Variants in CDH13 observed in about 807,000 individuals in gnomAD.
CDH13 encodes cadherin-13.
In CDH13, 24 loss-of-function variants were observed where a neutral mutation model predicts 63.8. The observed-to-expected ratio is 0.38, with a 90% CI of 0.27 to 0.53. CDH13 has a LOEUF of 0.53. Ranked by LOEUF, CDH13 falls within the 20% of genes least tolerant of loss-of-function variation. The pLI is 0.85. For synonymous variants in CDH13, 503 were observed against 355.3 expected (o/e 1.42, Z -4.67); for missense variants, 1,049 against 903.1 (o/e 1.16, Z -2.07).
intron 10 of CDH13, among the ~76,000 whole-genome samples, chr16:83,726,801 G>A (rs1408842541): frequency 2.0e-5 from 3 of 149,980 alleles, no homozygotes; most frequent in Non-Finnish European, 4.4e-5. Flanking sequence ...TGGCGCCACT[G>A]CGCTCCAGCC....
At chr16:83,469,067 A>G (rs1012491632) in intron 6 of CDH13, among the ~76,000 whole-genome samples, 1 of 152,172 alleles carries the variant, frequency 6.6e-6, no homozygotes, top group Non-Finnish European at 1.5e-5. Context: ...AGACTTTTAG[A>G]TGGCAATACT....
intron 3 of CDH13, among the ~76,000 whole-genome samples, chr16:83,055,299 G>C (rs1335455180): frequency 6.6e-6 from 1 of 151,660 alleles, no homozygotes; most frequent in Non-Finnish European, 1.5e-5. Context: ...ATAGAAAGTA[G>C]ACATGCAAGA....
chr16:82,689,813 T>C (rs1915453870), intron 1 of CDH13, among the ~76,000 whole-genome samples: 1 of 151,428 alleles, frequency 6.6e-6, no homozygotes, highest in South Asian at 2.1e-4. Flanking sequence ...CTGAAGAAGA[T>C]GTAATGCATT....
chr16:82,966,661 C>A (rs967894142), intron 2 of CDH13, among the ~76,000 whole-genome samples: 12 of 152,018 alleles, frequency 7.9e-5, no homozygotes, highest in African/African-American at 1.4e-4. Context: ...AGGAAAGTTG[C>A]AAAAAGAATG....
intron 1 of CDH13, among the ~76,000 whole-genome samples, chr16:82,689,230 A>G (rs1567629434): frequency 6.6e-6 from 1 of 151,402 alleles, no homozygotes; most frequent in African/African-American, 2.4e-5. Context: ...ACTTGGTAGG[A>G]TGCAGAAAAT....
chr16:83,502,642 G>A (rs943863351), intron 7 of CDH13, among the ~76,000 whole-genome samples: 8 of 152,148 alleles, frequency 5.3e-5, no homozygotes, highest in African/African-American at 1.9e-4. Flanking sequence ...TGAAAGAGAC[G>A]ATGTGTGAAA....
At chr16:83,165,440 T>C (rs151017660) in intron 4 of CDH13, among the ~76,000 whole-genome samples, 2 of 152,268 alleles carry the variant, frequency 1.3e-5, no homozygotes, top group East Asian at 3.9e-4. Flanking sequence ...CTTTTTATTA[T>C]GCAAAACCTA....
chr16:83,300,941 A>G (rs1371649909), intron 5 of CDH13, among the ~76,000 whole-genome samples: 1 of 151,816 alleles, frequency 6.6e-6, no homozygotes, highest in African/African-American at 2.4e-5. Flanking sequence ...CCTCTTCACC[A>G]AGTGGCACAT....
chr16:83,069,557 T>C (rs1024893174), intron 3 of CDH13, among the ~76,000 whole-genome samples: 2 of 152,188 alleles, frequency 1.3e-5, no homozygotes, highest in Non-Finnish European at 2.9e-5. Flanking sequence ...CAAAGTCACC[T>C]ATCTAAAAAA....
chr16:83,765,780 T>G (rs1567581809), intron 11 of CDH13, among the ~76,000 whole-genome samples: 1 of 120,540 alleles, frequency 8.3e-6, no homozygotes, highest in South Asian at 3.0e-4. Context: ...CTTACAGCTT[T>G]CTTTTTTTTT....
chr16:82,725,740 A>C (rs1304988897), intron 1 of CDH13, among the ~76,000 whole-genome samples: 1 of 152,168 alleles, frequency 6.6e-6, no homozygotes, highest in Non-Finnish European at 1.5e-5. Flanking sequence ...TTTGAACACC[A>C]TCCTCATTCC....
intron 2 of CDH13, among the ~76,000 whole-genome samples, chr16:82,998,862 C>CTTTTTTTTTTT (rs200853526): frequency 4.7e-5 from 6 of 128,562 alleles, no homozygotes; most frequent in African/African-American, 1.5e-4. Context: ...CCCCTTGATC[C>CTTTTTTTTTTT]TTTTTTTTTT....
At position 82,674,368 on chromosome 16, in the gene CDH13, A is replaced by G. The variant is rs576258510; in HGVS notation, c.45+47231A>G. Among the ~76,000 whole-genome samples the G allele has an allele frequency of 5.9e-5, 9 of 152,318 alleles. No individual in the cohort carries two copies. In the South Asian group the frequency reaches 1.9e-3, roughly 32 times the overall value. On this transcript the variant is annotated intron_variant, in intron 1 of 13. Coordinates refer to ENST00000567109, the MANE Select transcript of CDH13 (RefSeq NM_001257.5). Reference sequence around the variant, plus strand: ...ATTGTAATTGGACCACTTAGTTTTCATCTTTGATTTGAGGTATTTGAAATG... The same window carrying G: ...ATTGTAATTGGACCACTTAGTTTTCGTCTTTGATTTGAGGTATTTGAAATG...
At chr16:83,750,438 A>G (rs988074114) in intron 11 of CDH13, among the ~76,000 whole-genome samples, 1 of 152,166 alleles carries the variant, frequency 6.6e-6, no homozygotes, top group Non-Finnish European at 1.5e-5. Flanking sequence ...TACTTTAACA[A>G]TTGATATGAC....
chr16:83,013,115 A>C (rs1371876635), intron 2 of CDH13, among the ~76,000 whole-genome samples: 1 of 152,246 alleles, frequency 6.6e-6, no homozygotes, highest in African/African-American at 2.4e-5. Context: ...GTGATCAACA[A>C]ACTTATTTTG....
At chr16:83,618,429 A>G (rs192916992) in intron 8 of CDH13, among the ~76,000 whole-genome samples, 80 of 152,116 alleles carry the variant, frequency 5.3e-4, no homozygotes, top group African/African-American at 1.7e-3. Context: ...CAAAAAAAAA[A>G]AAAAAGAAAA....
chr16:82,988,046 T>G (rs371534748), intron 2 of CDH13, among the ~76,000 whole-genome samples: 2 of 152,206 alleles, frequency 1.3e-5, no homozygotes. Flanking sequence ...CCACTGCCAA[T>G]TGAAGCACGG....
chr16:82,960,702 C>G (rs1424690861), intron 2 of CDH13, among the ~76,000 whole-genome samples: 1 of 152,008 alleles, frequency 6.6e-6, no homozygotes, highest in African/African-American at 2.4e-5. Flanking sequence ...ACTTGGCACC[C>G]AAGTCTTATA....
intron 5 of CDH13, among the ~76,000 whole-genome samples, chr16:83,225,635 A>C (rs1278217354): frequency 1.3e-5 from 2 of 152,176 alleles, no homozygotes; most frequent in Non-Finnish European, 2.9e-5. Flanking sequence ...CCTTGAACAA[A>C]GCATTTGTGG....
Sources: allele counts gnomAD v4.1 joint callset (sites outside exome capture counted in the v4.1 genomes callset), GRCh38; gene constraint gnomAD v4.1.1; transcripts MANE v1.5; gene names NCBI Gene and HGNC (gene_info 2026-07-23, HGNC 2026-07-21).